The following USP47 variants were observed in gnomAD, a reference collection of about 807,000 sequenced individuals.
USP47 encodes the protein ubiquitin specific peptidase 47, also known as ubiquitin carboxyl-terminal hydrolase 47.
In USP47, 35 loss-of-function variants were observed where a neutral mutation model predicts 165.1. That is an observed-to-expected ratio of 0.21 (90% CI 0.16 to 0.28). The LOEUF is 0.28. USP47 is among the 10% of genes least tolerant of loss of function. The probability of loss-of-function intolerance (pLI) is 1.00; values close to 1 mark genes in which losing one functional copy is unlikely to be tolerated. For synonymous variants in USP47, 531 were observed against 544.5 expected (o/e 0.98, Z 0.35); for missense variants, 1,277 against 1,607.4 (o/e 0.79, Z 3.52).
rs1853731785 is a variant in USP47 at position 11,920,229 on chromosome 11, A to G, written c.1043A>G (p.Lys348Arg). Residue 348 changes from lysine to arginine, a missense_variant, in exon 9 of 28, where the codon AAG (lysine) becomes AGG (arginine). Physicochemically the swap from Lys to Arg is conservative, Grantham distance 26. Around this residue, in one of 4 missense-constraint regions of USP47, gnomAD observed 175 missense variants for 295.8 expected, o/e 0.59. Coordinates refer to ENST00000527733, the MANE Select transcript of USP47 (RefSeq NM_001282659.2). ...GPNQYFCERCKKKCDARKGLR... is the reference protein window; with the variant it reads ...GPNQYFCERCRKKCDARKGLR... Reference sequence around the variant, plus strand: ...AATCAGTATTTTTGTGAACGTTGTAAGAAGAAGTGTGATGCACGGAAGGTA... The same window carrying G: ...AATCAGTATTTTTGTGAACGTTGTAGGAAGAAGTGTGATGCACGGAAGGTA... The G allele has an allele frequency of 6.2e-7, 1 of 1,609,500 alleles. No individual in the cohort carries two copies. Among genetic ancestry groups the G allele is most frequent in the Non-Finnish European group, 8.5e-7 (1 of 1,177,544 alleles).
At chr11:11,866,252 AACACTGAGTAACAATTTT>A (rs768051291) in intron 1 of USP47, among the ~76,000 whole-genome samples, 4 of 152,200 alleles carry the variant, frequency 2.6e-5, no homozygotes, top group Non-Finnish European at 4.4e-5. Context: ...CCAAAGATTG[AACACTGAGTAACAATTTT>A]ACTATTAAAC....
At chr11:11,871,225 T>C (rs1850017368) in intron 1 of USP47, among the ~76,000 whole-genome samples, 1 of 151,958 alleles carries the variant, frequency 6.6e-6, no homozygotes, top group Non-Finnish European at 1.5e-5. Flanking sequence ...GGTGGGCAGC[T>C]GGGTGCAGTG....
intron 24 of USP47, chr11:11,952,528 G>A: frequency 2.8e-6 from 1 of 354,960 alleles, no homozygotes; most frequent in East Asian, 5.9e-5. Context: ...GTACTGGTTT[G>A]AAGAAGAGAG....
intron 4 of USP47, among the ~76,000 whole-genome samples, chr11:11,895,849 T>C (rs1182921376): frequency 6.6e-6 from 1 of 152,172 alleles, no homozygotes. Flanking sequence ...TGGTTCTGTT[T>C]AGGATTTCTT....
At chr11:11,843,940 T>C (rs188956897) in intron 1 of USP47, among the ~76,000 whole-genome samples, 6 of 152,332 alleles carry the variant, frequency 3.9e-5, no homozygotes, top group Admixed American at 2.0e-4. Context: ...TTATTGTCTA[T>C]TCCTTAGTCT....
intron 11 of USP47, among the ~76,000 whole-genome samples, chr11:11,923,240 TGCA>T: frequency 6.6e-6 from 1 of 151,768 alleles, no homozygotes; most frequent in Non-Finnish European, 1.5e-5. Flanking sequence ...CCTTTAAGGT[TGCA>T]GCAAGTGTCT....
At position 11,956,496 on chromosome 11, in the gene USP47, G is replaced by A. The variant is rs1025807668; in HGVS notation, c.*321G>A. 1 of 203,976 alleles carries A rather than the reference G, an allele frequency of 4.9e-6. No individual in the cohort carries two copies. Among genetic ancestry groups the A allele is most frequent in the East Asian group, 1.1e-4 (1 of 8,814 alleles). 12.6% of individuals were successfully genotyped at this position (203,976 alleles called of 1,614,324 possible). On this transcript the variant is annotated 3_prime_UTR_variant, in exon 28 of 28. Coordinates refer to ENST00000527733, the MANE Select transcript of USP47 (RefSeq NM_001282659.2). ...TAAACTTCTTTTATTGCGGACAAAT[G>A]TGCACATAGCCGCTAGTAAAACTAG...
intron 11 of USP47, among the ~76,000 whole-genome samples, chr11:11,927,573 G>C (rs1854345509): frequency 6.6e-6 from 1 of 151,976 alleles, no homozygotes; most frequent in South Asian, 2.1e-4. Context: ...TTCTTACTTT[G>C]CTATTAATAA....
At chr11:11,913,094 C>CTAG (rs1853122107) in intron 8 of USP47, among the ~76,000 whole-genome samples, 2 of 151,906 alleles carry the variant, frequency 1.3e-5, no homozygotes, top group Admixed American at 6.6e-5. Context: ...GCACGCTTGT[C>CTAG]TAGGCAAGGA....
chr11:11,923,679 G>T (rs1234427919), intron 11 of USP47, among the ~76,000 whole-genome samples: 1 of 152,124 alleles, frequency 6.6e-6, no homozygotes, highest in African/African-American at 2.4e-5. Flanking sequence ...TAAATATAGG[G>T]ATTTTTAAGG....
At chr11:11,844,854 T>C (rs1176949668) in intron 1 of USP47, among the ~76,000 whole-genome samples, 9 of 151,916 alleles carry the variant, frequency 5.9e-5, no homozygotes, top group African/African-American at 2.2e-4. Context: ...TATATTTTGG[T>C]CCCTGAAACT....
chr11:11,919,938 G>A (rs1227470353), intron 8 of USP47, among the ~76,000 whole-genome samples: 2 of 151,772 alleles, frequency 1.3e-5, no homozygotes, highest in South Asian at 2.1e-4. Context: ...GCAATACTAA[G>A]AAAGGCAAAT....
In USP47 at chr11:11,902,823, A is replaced by G. The variant is rs201725068; in HGVS notation, c.702A>G (p.Thr234=). ...QTSKKRAIET[T]DVTRSFGWDS... is the part of the protein sequence containing the mutation. ...GCAAAAAGAGAGCAATTGAAACCAC[A>G]GATGTTACAAGGAGCTTTGGATGGG... is the stretch of plus-strand genomic sequence containing the variant. The change falls in exon 6 of 28, where the codon ACA becomes ACG. Residue 234 remains threonine (T), a synonymous_variant. Coordinates refer to ENST00000527733, the MANE Select transcript of USP47 (RefSeq NM_001282659.2). 4.5e-5 allele frequency: 72 copies of G among 1,601,402 alleles called. No individual in the cohort carries two copies. The highest frequency in any genetic ancestry group is 5.9e-5 in the Non-Finnish European group (69 of 1,173,532).
chr11:11,867,291 C>T (rs889673126), intron 1 of USP47, among the ~76,000 whole-genome samples: 3 of 152,020 alleles, frequency 2.0e-5, no homozygotes, highest in African/African-American at 7.3e-5. Flanking sequence ...TTCATTGGTT[C>T]CTGAAGGGTT....
chr11:11,847,657 G>A (rs758814861), intron 1 of USP47, among the ~76,000 whole-genome samples: 1 of 151,980 alleles, frequency 6.6e-6, no homozygotes, highest in Non-Finnish European at 1.5e-5. Context: ...AAATGTCTCT[G>A]TATCCTTATC....
chr11:11,895,123 A>G (rs1447813286), intron 4 of USP47, among the ~76,000 whole-genome samples: 1 of 152,148 alleles, frequency 6.6e-6, no homozygotes, highest in Non-Finnish European at 1.5e-5. Context: ...GAAAATTCTT[A>G]TACATACATT....
intron 1 of USP47, among the ~76,000 whole-genome samples, chr11:11,871,170 C>T (rs1850012368): frequency 6.6e-6 from 1 of 152,004 alleles, no homozygotes; most frequent in African/African-American, 2.4e-5. Flanking sequence ...TTTGAGTACC[C>T]TTATCTGATG....
intron 2 of USP47, among the ~76,000 whole-genome samples, chr11:11,881,328 G>A (rs1016639019): frequency 6.6e-6 from 1 of 152,092 alleles, no homozygotes; most frequent in African/African-American, 2.4e-5. Context: ...CGGTCACAGT[G>A]CCCACTCTTT....
At chr11:11,876,228 CTT>C (rs1191938322) in intron 1 of USP47, among the ~76,000 whole-genome samples, 2 of 146,630 alleles carry the variant, frequency 1.4e-5, no homozygotes, top group East Asian at 4.1e-4. Context: ...AAATTTTACA[CTT>C]GTTTTCTCTT....
Sources: allele counts gnomAD v4.1 joint callset (sites outside exome capture counted in the v4.1 genomes callset), GRCh38; gene constraint gnomAD v4.1.1; regional missense constraint gnomAD v4.1.1; transcripts MANE v1.5; gene names NCBI Gene and HGNC (gene_info 2026-07-23, HGNC 2026-07-21).